The following SLC16A10 variants were observed in gnomAD, a reference collection of about 807,000 sequenced individuals.
SLC16A10 encodes the protein monocarboxylate transporter 10.
SLC16A10 carries 27 observed loss-of-function variants against 40.0 expected under a neutral mutation model. The ratio of observed to expected loss-of-function variants is 0.67; its 90% CI spans 0.50 to 0.93. SLC16A10 has a LOEUF of 0.93. Ranked by LOEUF, SLC16A10 falls within the 40% of genes least tolerant of loss-of-function variation. The pLI is 0.00. For missense variants in SLC16A10, 529 were observed against 658.2 expected, an observed-to-expected ratio of 0.80 and a Z score of 2.15; for synonymous variants, 213 against 249.8, an observed-to-expected ratio of 0.85 and a Z score of 1.39.
chr6:111,206,859 G>C lies in SLC16A10; in HGVS notation c.1086+124G>C. The C allele has an allele frequency of 2.4e-6, 3 of 1,224,988 alleles. No individual in the cohort carries two copies. In the East Asian group the frequency reaches 7.5e-5, roughly 31 times the overall value. The allele number at this position is 1,224,988 out of a possible 1,614,324, so 75.9% of individuals were successfully genotyped here. A position where few individuals can be genotyped will look rare whatever the true frequency, so the allele number is the denominator to read the frequency against. On this transcript the variant is annotated intron_variant, in intron 4 of 5. Transcript: ENST00000368851. ...CTTTTTCTTTTTGAGATGGAGTTTC[G>C]CTCTTATTGCCCAGGCTGGAGTGCA...
At chr6:111,118,448 G>A (rs534806266) in intron 1 of SLC16A10, among the ~76,000 whole-genome samples, 5 of 152,214 alleles carry the variant, frequency 3.3e-5, no homozygotes, top group South Asian at 2.1e-4. Flanking sequence ...TTGGGAGGCC[G>A]AGGCGGGCGG....
At chr6:111,114,018 T>C (rs932917964) in intron 1 of SLC16A10, among the ~76,000 whole-genome samples, 5 of 152,364 alleles carry the variant, frequency 3.3e-5, no homozygotes, top group Admixed American at 1.3e-4. Flanking sequence ...AATTTAGTTA[T>C]TCAGACGTCT....
intron 1 of SLC16A10, among the ~76,000 whole-genome samples, chr6:111,151,923 C>T (rs1243103990): frequency 6.6e-6 from 1 of 152,086 alleles, no homozygotes; most frequent in Non-Finnish European, 1.5e-5. Flanking sequence ...TAAGTTGTCC[C>T]ACAACACACA....
At chr6:111,202,884 CAAAAAAAAAAAAAAAAAAAAAAAAA>C (rs567667458) in intron 3 of SLC16A10, among the ~76,000 whole-genome samples, 1 of 86,318 alleles carries the variant, frequency 1.2e-5, no homozygotes, top group African/African-American at 4.6e-5. Context: ...GAGACTCCAT[CAAAAAAAAAAAAAAAAAAAAAAAAA>C]AAAAAAAAAA....
At chr6:111,156,846 A>T (rs1338435617) in intron 1 of SLC16A10, among the ~76,000 whole-genome samples, 1 of 152,250 alleles carries the variant, frequency 6.6e-6, no homozygotes, top group Admixed American at 6.5e-5. Context: ...ACTGGATGTG[A>T]GGTATATGGG....
At chr6:111,167,048 T>C (rs1437130319) in intron 1 of SLC16A10, among the ~76,000 whole-genome samples, 1 of 152,230 alleles carries the variant, frequency 6.6e-6, no homozygotes, top group Non-Finnish European at 1.5e-5. Context: ...TGCATGTTAC[T>C]AGACTGAAAA....
chr6:111,197,621 G>A (rs540784679), intron 3 of SLC16A10, among the ~76,000 whole-genome samples: 6 of 152,192 alleles, frequency 3.9e-5, no homozygotes, highest in South Asian at 2.1e-4. Context: ...ACCTGAGGCC[G>A]GATGATTTAT....
intron 5 of SLC16A10, among the ~76,000 whole-genome samples, chr6:111,221,782 G>A: frequency 6.6e-6 from 1 of 151,336 alleles, no homozygotes; most frequent in East Asian, 1.9e-4. Flanking sequence ...ATCTTTTCAA[G>A]TAATGTCTTG....
At chr6:111,138,103 CA>C (rs773146581) in intron 1 of SLC16A10, among the ~76,000 whole-genome samples, 5 of 151,884 alleles carry the variant, frequency 3.3e-5, no homozygotes, top group Non-Finnish European at 7.4e-5. Context: ...ACCAAACAAA[CA>C]AAAAAACAGT....
intron 1 of SLC16A10, among the ~76,000 whole-genome samples, chr6:111,116,373 A>G (rs779790978): frequency 6.6e-6 from 1 of 151,774 alleles, no homozygotes; most frequent in Non-Finnish European, 1.5e-5. Flanking sequence ...ATGCACCACC[A>G]TGCCTGGCTA....
Position 111,096,757 on chromosome 6 carries a change from T to C in SLC16A10, c.343+8662T>C, listed in dbSNP as rs546843336. 2.6e-5 allele frequency among the ~76,000 whole-genome samples: 4 copies of C among 152,356 alleles called. No individual in the cohort carries two copies. In the East Asian group the frequency reaches 7.7e-4, roughly 29 times the overall value. On this transcript the variant is annotated intron_variant, in intron 1 of 5. Coordinates refer to ENST00000368851, the MANE Select transcript of SLC16A10 (RefSeq NM_018593.5). The stretch of plus-strand genomic sequence containing the variant: ...AAATACAGATTAGAAATACTGAATG[T>C]GGACCAAAGCAATGTTTCCTTTGTG...
intron 1 of SLC16A10, among the ~76,000 whole-genome samples, chr6:111,161,545 C>T (rs528213035): frequency 2.4e-4 from 36 of 152,040 alleles, no homozygotes; most frequent in South Asian, 1.7e-3. Context: ...GACAGGGGTG[C>T]GGGGTGCTGT....
intron 1 of SLC16A10, among the ~76,000 whole-genome samples, chr6:111,131,122 C>T (rs1256391748): frequency 6.6e-6 from 1 of 152,224 alleles, no homozygotes; most frequent in Non-Finnish European, 1.5e-5. Flanking sequence ...ATGGCTCAAG[C>T]TGAGCTTTCG....
At chr6:111,099,801 T>A (rs1233124666) in intron 1 of SLC16A10, among the ~76,000 whole-genome samples, 1 of 152,014 alleles carries the variant, frequency 6.6e-6, no homozygotes, top group Non-Finnish European at 1.5e-5. Context: ...GGCAGATGAA[T>A]TGCTTGAGCC....
At chr6:111,175,924 G>C (rs917820845) in intron 2 of SLC16A10, among the ~76,000 whole-genome samples, 1 of 151,986 alleles carries the variant, frequency 6.6e-6, no homozygotes, top group East Asian at 1.9e-4. Context: ...TGCCAGACTG[G>C]TCTCAAGCCA....
intron 2 of SLC16A10, among the ~76,000 whole-genome samples, chr6:111,173,906 A>G (rs189095980): frequency 2.9e-3 from 442 of 152,302 alleles, no homozygotes; most frequent in African/African-American, 9.9e-3. Context: ...CCCCGGCACC[A>G]TCCATGGAAA....
chr6:111,094,916 C>T (rs1214512131), intron 1 of SLC16A10, among the ~76,000 whole-genome samples: 1 of 152,238 alleles, frequency 6.6e-6, no homozygotes, highest in Non-Finnish European at 1.5e-5. Context: ...GTTGGGACTA[C>T]AGGCGGGACC....
Position 111,098,756 on chromosome 6 carries a change from G to C in SLC16A10, c.343+10661G>C, listed in dbSNP as rs1027415576. On this transcript the variant is annotated intron_variant, in intron 1 of 5. Coordinates refer to ENST00000368851, the MANE Select transcript of SLC16A10 (RefSeq NM_018593.5). ...CATCTCAAAGGGTTCACATTTGTCA[G>C]TGGTTGTTTAAACAACGACATTCCA... Among the ~76,000 whole-genome samples the C allele has an allele frequency of 6.6e-5, 10 of 152,102 alleles. 1 individual carries two copies. The highest frequency in any genetic ancestry group is 5.2e-4 in the Admixed American group (8 of 15,274).
chr6:111,159,544 T>A (rs1183359179), intron 1 of SLC16A10, among the ~76,000 whole-genome samples: 1 of 152,256 alleles, frequency 6.6e-6, no homozygotes, highest in Non-Finnish European at 1.5e-5. Flanking sequence ...TATAGACATT[T>A]GGGTTCTTTC....
Sources: allele counts gnomAD v4.1 joint callset (sites outside exome capture counted in the v4.1 genomes callset), GRCh38; gene constraint gnomAD v4.1.1; transcripts MANE v1.5; gene names NCBI Gene and HGNC (gene_info 2026-07-23, HGNC 2026-07-21).